Variants in RBM43 observed in about 807,000 individuals in gnomAD.
The protein encoded by RBM43 is RNA binding motif protein 43.
Under a neutral mutation model 12.4 loss-of-function variants are expected in RBM43, and 12 were observed. The observed-to-expected ratio is 0.97, with a 90% CI of 0.62 to 1.57. The LOEUF (loss-of-function observed/expected upper bound fraction) is 1.57. RBM43 is among the 40% of genes most tolerant of loss of function. The pLI is 0.00. For missense variants in RBM43, 348 were observed against 400.1 expected (o/e 0.87, Z 1.11); for synonymous variants, 138 against 145.7 (o/e 0.95, Z 0.38).
intron 2 of RBM43, among the ~76,000 whole-genome samples, chr2:151,254,776 A>T (rs559650537): frequency 1.3e-5 from 2 of 152,176 alleles, no homozygotes; most frequent in Admixed American, 1.3e-4. Flanking sequence ...TCCAAGCCAC[A>T]CTTCTCAATT....
intron 1 of RBM43, among the ~76,000 whole-genome samples, chr2:151,257,670 G>T (rs1682992628): frequency 6.6e-6 from 1 of 152,034 alleles, no homozygotes; most frequent in Non-Finnish European, 1.5e-5. Context: ...TCCATCCTGG[G>T]CAACAAGAGT....
chr2:151,261,565 C>T (rs1683047317), intron 1 of RBM43, 160 bp downstream of exon 1: 6 of 1,541,214 alleles, frequency 3.9e-6, no homozygotes, highest in Middle Eastern at 2.3e-4. Flanking sequence ...GGACGGCTCT[C>T]CGGGGCCCCC....
In RBM43 at chr2:151,251,072, T is replaced by G. The variant is rs1480918833; in HGVS notation, c.908A>C (p.Asn303Thr). The G allele has an allele frequency of 6.2e-7, 1 of 1,613,994 alleles. No individual in the cohort carries two copies. Among genetic ancestry groups the G allele is most frequent in the Non-Finnish European group, 8.5e-7 (1 of 1,179,942 alleles). Residue 303 changes from asparagine (N) to threonine (T), a missense_variant, in exon 4 of 4, where the codon AAT becomes ACT. Physicochemically the swap from Asn to Thr is moderately conservative, Grantham distance 65 (BLOSUM62 0). Coordinates refer to ENST00000331426, the MANE Select transcript of RBM43 (RefSeq NM_198557.3). ...CCTTTTGATCATTCTTTTCTCTCTATTTTCCTTTCCTTCCAAAATAAATGT... is the reference window on the plus strand; with the variant it reads ...CCTTTTGATCATTCTTTTCTCTCTAGTTTCCTTTCCTTCCAAAATAAATGT... ...KETFILEGKENREKRMIKRAC... is the reference protein window; with the variant it reads ...KETFILEGKETREKRMIKRAC...
chr2:151,258,911 G>C (rs1408574285), intron 1 of RBM43, among the ~76,000 whole-genome samples: 1 of 152,144 alleles, frequency 6.6e-6, no homozygotes, highest in Non-Finnish European at 1.5e-5. Flanking sequence ...GGGAGGATGA[G>C]GCGGGCAGAT....
intron 1 of RBM43, among the ~76,000 whole-genome samples, chr2:151,258,339 G>A (rs570794712): frequency 6.6e-6 from 1 of 150,818 alleles, no homozygotes; most frequent in African/African-American, 2.4e-5. Context: ...AATGAAGGCA[G>A]CTGGGCCAAA....
chr2:151,257,049 A>T (rs1056921838), intron 1 of RBM43, among the ~76,000 whole-genome samples: 2 of 152,116 alleles, frequency 1.3e-5, no homozygotes, highest in Admixed American at 6.6e-5. Context: ...TAAATGCTTT[A>T]ATTTGTCCCT....
At position 151,250,891 on chromosome 2, in the gene RBM43, A is replaced by T; in HGVS notation, c.*15T>A. On this transcript the variant is annotated 3_prime_UTR_variant, in exon 4 of 4. Transcript: ENST00000331426. ...AAGAGAAAGCAGCCCTTATGACTAT[A>T]TTGCTGAGATTTTATTAACTAACCT... 1 of 1,564,638 alleles carries T rather than the reference A, an allele frequency of 6.4e-7. No homozygotes were observed. The highest frequency in any genetic ancestry group is 8.7e-7 in the Non-Finnish European group (1 of 1,154,652).
chr2:151,251,753 G>A (rs1682906971), intron 3 of RBM43, 89 bp from the exon 4 acceptor site: 9 of 1,282,614 alleles, frequency 7.0e-6, no homozygotes, highest in South Asian at 1.5e-5. Flanking sequence ...TCTTTTCTCT[G>A]CAGAAATTGC....
Position 151,250,648 on chromosome 2 carries a change from T to C in RBM43, c.*258A>G, listed in dbSNP as rs1347466577. 6.2e-6 allele frequency: 2 copies of C among 322,114 alleles called. No individual in the cohort carries two copies. Among genetic ancestry groups the C allele is most frequent in the Admixed American group, 4.7e-5 (1 of 21,364 alleles). The allele number at this position is 322,114 out of a possible 1,614,324, so 20.0% of individuals were successfully genotyped here. A position where few individuals can be genotyped will look rare whatever the true frequency, so the allele number is the denominator to read the frequency against. On this transcript the variant is annotated 3_prime_UTR_variant, in exon 4 of 4. Coordinates refer to ENST00000331426, the MANE Select transcript of RBM43 (RefSeq NM_198557.3). The stretch of plus-strand genomic sequence containing the variant: ...TGAGTTTTTTTCAAAGTTTTATTCC[T>C]TAGATATTATCTGTGTAATCAGATA...
At chr2:151,261,521 G>A (rs1683046707) in intron 1 of RBM43, 4 of 1,548,982 alleles carry the variant, frequency 2.6e-6, no homozygotes, top group Non-Finnish European at 3.5e-6. Context: ...TGGGAAGGGT[G>A]CAGCGAGGCT....
At chr2:151,261,428 G>A in intron 1 of RBM43, 1 of 1,550,634 alleles carries the variant, frequency 6.4e-7, no homozygotes, top group East Asian at 2.4e-5. Context: ...GGTGTGGGAG[G>A]TGACAGCCTA....
chr2:151,255,385 TCTAACCTGGGCAA>T, intron 2 of RBM43, 135 bp downstream of exon 2: 1 of 551,078 alleles, frequency 1.8e-6, no homozygotes, highest in South Asian at 2.1e-5. Context: ...GCCACCGCAC[TCTAACCTGGGCAA>T]CAGAGTGAGA....
At position 151,251,377 on chromosome 2, in the gene RBM43, G is replaced by A; in HGVS notation, c.603C>T (p.Asn201=). The A allele has an allele frequency of 6.2e-7, 1 of 1,614,140 alleles. No individual in the cohort carries two copies. The highest frequency in any genetic ancestry group is 8.5e-7 in the Non-Finnish European group (1 of 1,179,974). ...CTAAGGTCCTGACTGATGCCAAAGA[G>A]TTATTACTTCTCTGTAGATTCCTCT... ...NPQRNLQRSN[N]SLASVRTLVP... The change falls in exon 4 of 4, where the codon AAC becomes AAT. Residue 201 remains asparagine, a synonymous_variant. Coordinates refer to ENST00000331426, the MANE Select transcript of RBM43 (RefSeq NM_198557.3).
rs1405158541 is a variant in RBM43, at chr2:151,250,523, C to G, written c.*383G>C. ...TTGAGGCAGGAGAATGGTGTGAACC[C>G]AGGAGGTGGACGTTGCAGTGAGCCG... On this transcript the variant is annotated 3_prime_UTR_variant, in exon 4 of 4. Coordinates refer to ENST00000331426, the MANE Select transcript of RBM43 (RefSeq NM_198557.3). The G allele has an allele frequency of 6.8e-6, 1 of 147,786 alleles. No homozygotes were observed. The highest frequency in any genetic ancestry group is 2.0e-4 in the East Asian group (1 of 4,978). The allele number at this position is 147,786 out of a possible 1,614,324, so 9.2% of individuals were successfully genotyped here. A position where few individuals can be genotyped will look rare whatever the true frequency, so the allele number is the denominator to read the frequency against.
At position 151,250,802 on chromosome 2, in the gene RBM43, A is replaced by G. The variant is rs1007210817; in HGVS notation, c.*104T>C. 5 of 791,776 alleles carry G rather than the reference A, an allele frequency of 6.3e-6. No individual in the cohort carries two copies. Among genetic ancestry groups the G allele is most frequent in the South Asian group, 1.9e-5 (1 of 52,950 alleles). 49.0% of individuals were successfully genotyped at this position (791,776 alleles called of 1,614,324 possible). On this transcript the variant is annotated 3_prime_UTR_variant, in exon 4 of 4. Coordinates refer to ENST00000331426, the MANE Select transcript of RBM43 (RefSeq NM_198557.3). The stretch of plus-strand genomic sequence containing the variant: ...TCAACACTGACAAAGAAGGATGACT[A>G]TAAGGATTCATGAGATACGGTGTGT...
intron 3 of RBM43, 104 bp downstream of exon 3, chr2:151,252,651 A>T: frequency 1.6e-6 from 1 of 629,756 alleles, no homozygotes; most frequent in Non-Finnish European, 2.8e-6. Context: ...TTTCCTTCCT[A>T]GAAGTCATGG....
At chr2:151,259,854 T>A (rs1392490138) in intron 1 of RBM43, among the ~76,000 whole-genome samples, 1 of 148,908 alleles carries the variant, frequency 6.7e-6, no homozygotes, top group Non-Finnish European at 1.5e-5. Context: ...ATCTTTTTCT[T>A]TTCTTGTTTT....
intron 1 of RBM43, 105 bp downstream of exon 1, chr2:151,261,620 C>T: frequency 6.5e-7 from 1 of 1,549,052 alleles, no homozygotes; most frequent in East Asian, 2.4e-5. Flanking sequence ...CCCGCGCAGC[C>T]CTGCACCCTG....
At chr2:151,258,794 G>A (rs1043191603) in intron 1 of RBM43, among the ~76,000 whole-genome samples, 2 of 152,060 alleles carry the variant, frequency 1.3e-5, no homozygotes, top group African/African-American at 4.8e-5. Context: ...GATTTGAAGG[G>A]GCCCCAGCCT....
Sources: allele counts gnomAD v4.1 joint callset (sites outside exome capture counted in the v4.1 genomes callset), GRCh38; gene constraint gnomAD v4.1.1; transcripts MANE v1.5; gene names NCBI Gene and HGNC (gene_info 2026-07-23, HGNC 2026-07-21).